Variants in COL4A5 observed in about 807,000 individuals in gnomAD.
The protein encoded by COL4A5 is collagen type IV alpha 5 chain, also known as collagen alpha-5(IV) chain.
In COL4A5, 26 loss-of-function variants were observed where a neutral mutation model predicts 130.2. That is an observed-to-expected ratio of 0.20 (90% CI 0.15 to 0.28). The LOEUF (loss-of-function observed/expected upper bound fraction) is 0.28, where lower values mean the gene tolerates loss of function less well. Ranked by LOEUF, COL4A5 falls within the 10% of genes least tolerant of loss-of-function variation. COL4A5 has a pLI of 1.00. For synonymous variants in COL4A5, 496 were observed against 439.6 expected (o/e 1.13, Z -1.60); for missense variants, 1,131 against 1,344.3 (o/e 0.84, Z 2.48).
At chrX:108,561,265 G>A (rs1002133235) in intron 3 of COL4A5, among the ~76,000 whole-genome samples, 1 of 111,471 alleles carries the variant, frequency 9.0e-6, no homozygotes, top group Non-Finnish European at 1.9e-5. Flanking sequence ...TAAGGTGGAA[G>A]TCACAAGGTT....
intron 1 of COL4A5, among the ~76,000 whole-genome samples, chrX:108,479,235 G>A (rs1369084568): frequency 8.9e-6 from 1 of 112,522 alleles, no homozygotes; most frequent in Non-Finnish European, 1.9e-5. Flanking sequence ...ACTCAGAGAG[G>A]TCCATCCACA....
At position 108,600,996 on chromosome X, in the gene COL4A5, C is replaced by T. The variant is rs762828881; in HGVS notation, c.1949-397C>T. Among the ~76,000 whole-genome samples, 8 of 111,443 alleles carry T rather than the reference C, an allele frequency of 7.2e-5. No homozygotes were observed. In the South Asian group the frequency reaches 2.7e-3, roughly 37 times the overall value. On this transcript the variant is annotated intron_variant, in intron 25 of 52. Coordinates refer to ENST00000328300, the MANE Select transcript of COL4A5 (RefSeq NM_033380.3). ...GGTCCCTCAGCTGATTGGATGGTACCCACACACATTGGGTGAGGGTGGATC... is the reference window on the plus strand; with the variant it reads ...GGTCCCTCAGCTGATTGGATGGTACTCACACACATTGGGTGAGGGTGGATC...
rs924229481 is a variant in COL4A5 at position 108,635,301 on chromosome X, G to A, written c.3246+8952G>A. Among the ~76,000 whole-genome samples, 3 of 110,941 alleles carry A rather than the reference G, an allele frequency of 2.7e-5. No individual in the cohort carries two copies. The Admixed American group carries it at 2.9e-4, about 11-fold the overall frequency. ...CATGCTTCATAAAAAAGAAAAAAAA[G>A]GAAAAGGAATGAAACACTTTGTAAA... On this transcript the variant is annotated intron_variant, in intron 36 of 52. Transcript: ENST00000328300.
chrX:108,649,150 A>AAAAAT (rs745647053), intron 36 of COL4A5, among the ~76,000 whole-genome samples: 113 of 111,307 alleles, frequency 1.0e-3, no homozygotes, highest in Non-Finnish European at 1.4e-3. Flanking sequence ...AATAGCTGCA[A>AAAAAT]AAAATAAAAT....
At chrX:108,571,242 A>G (rs1395403124) in intron 6 of COL4A5, among the ~76,000 whole-genome samples, 171 bp from the exon 7 acceptor site, 1 of 111,960 alleles carries the variant, frequency 8.9e-6, no homozygotes, top group Non-Finnish European at 1.9e-5. Flanking sequence ...TTGAATTGAT[A>G]TGGATAGTTG....
chrX:108,577,899 A>T, intron 10 of COL4A5, 53 bp from the exon 11 acceptor site: 3 of 1,000,578 alleles, frequency 3.0e-6, no homozygotes, highest in Non-Finnish European at 4.1e-6. Context: ...ATAACTTTTA[A>T]AATTAACTTA....
chrX:108,626,335 C>T lies in COL4A5; in HGVS notation c.3232C>T (p.Leu1078Phe), dbSNP rs763614519. ...PGISSIGLPG[L>F]PGPKGEPGLP... ...TATTTCAAGCATTGGTCTTCCAGGTCTTCCTGGTCCAAAGGTAATCTTTGG... is the reference window on the plus strand; with the variant it reads ...TATTTCAAGCATTGGTCTTCCAGGTTTTCCTGGTCCAAAGGTAATCTTTGG... Residue 1078 changes from leucine (L) to phenylalanine (F), a missense_variant, in exon 36 of 53, where the codon CTT becomes TTT. Physicochemically the swap from Leu to Phe is conservative, Grantham distance 22. Transcript: ENST00000328300. 12 of 1,209,075 alleles carry T rather than the reference C, an allele frequency of 9.9e-6. No homozygotes were observed. The East Asian group carries it at 3.3e-4, about 33-fold the overall frequency.
At chrX:108,655,548 A>G in intron 37 of COL4A5, 91 bp downstream of exon 37, 1 of 1,035,380 alleles carries the variant, frequency 9.7e-7, no homozygotes, top group Non-Finnish European at 1.3e-6. Context: ...GCAGACTTAT[A>G]TTTTATTTCC....
At chrX:108,443,541 C>G (rs1315839761) in intron 1 of COL4A5, among the ~76,000 whole-genome samples, 3 of 111,805 alleles carry the variant, frequency 2.7e-5, no homozygotes, top group Admixed American at 9.5e-5. Context: ...GCCTACCTAT[C>G]ATATCCAATT....
At chrX:108,470,928 T>C (rs991323656) in intron 1 of COL4A5, among the ~76,000 whole-genome samples, 2 of 111,700 alleles carry the variant, frequency 1.8e-5, no homozygotes, top group African/African-American at 6.5e-5. Context: ...TTGTTATTGC[T>C]GAGTTTGTCG....
chrX:108,444,076 T>C lies in COL4A5; in HGVS notation c.81+3870T>C, dbSNP rs572624488. Among the ~76,000 whole-genome samples the C allele has an allele frequency of 6.3e-5, 7 of 111,669 alleles. No homozygotes were observed. In the South Asian group the frequency reaches 2.6e-3, roughly 42 times the overall value. On this transcript the variant is annotated intron_variant, in intron 1 of 52. Transcript: ENST00000328300. The stretch of plus-strand genomic sequence containing the variant: ...TATAGGTTATAATGAATTATGCTCT[T>C]ACTACTTTTTGTTTTTGCTGAAACC...
intron 42 of COL4A5, among the ~76,000 whole-genome samples, chrX:108,671,491 T>C (rs934527562): frequency 5.3e-5 from 6 of 112,182 alleles, no homozygotes; most frequent in South Asian, 3.7e-4. Flanking sequence ...AAGTTTTACC[T>C]ATGTCGAGGA....
intron 36 of COL4A5, among the ~76,000 whole-genome samples, chrX:108,638,790 A>G (rs770741406): frequency 2.7e-5 from 3 of 112,117 alleles, no homozygotes; most frequent in South Asian, 7.4e-4. Context: ...AACAATGAAC[A>G]TTCCAAAAAG....
At chrX:108,681,417 G>A (rs2068426283) in intron 46 of COL4A5, among the ~76,000 whole-genome samples, 2 of 109,455 alleles carry the variant, frequency 1.8e-5, no homozygotes, top group Non-Finnish European at 3.8e-5. Context: ...AAATGATGTT[G>A]GAGTCAGAAT....
At chrX:108,633,319 T>C (rs193020720) in intron 36 of COL4A5, among the ~76,000 whole-genome samples, 2 of 111,391 alleles carry the variant, frequency 1.8e-5, no homozygotes, top group East Asian at 5.7e-4. Context: ...AATAGATTTA[T>C]ATATTTCTTA....
At chrX:108,536,229 T>C (rs1363617750) in intron 1 of COL4A5, among the ~76,000 whole-genome samples, 1 of 110,405 alleles carries the variant, frequency 9.1e-6, no homozygotes, top group Non-Finnish European at 1.9e-5. Flanking sequence ...TTTTCACATC[T>C]ATTTGACGTC....
At position 108,591,193 on chromosome X, in the gene COL4A5, C is replaced by T. The variant is rs200231152; in HGVS notation, c.1301C>T (p.Pro434Leu). 10 of 1,208,723 alleles carry T rather than the reference C, an allele frequency of 8.3e-6. No homozygotes were observed. The highest frequency in any genetic ancestry group is 1.1e-5 in the Non-Finnish European group (10 of 894,881). The change falls in exon 20 of 53, where the codon CCA becomes CTA. Residue 434 changes from proline (P) to leucine (L), a missense_variant. Transcript: ENST00000328300. ...GGACAGCCTGGGGCTCCTGGGCTTC[C>T]AGGGCCTCCTGGCCCTGCTGGCCCT... ...LDGQPGAPGL[P>L]GPPGPAGPHI... is the part of the protein sequence containing the mutation.
chrX:108,517,039 A>C (rs948084172), intron 1 of COL4A5, among the ~76,000 whole-genome samples: 28 of 111,929 alleles, frequency 2.5e-4, no homozygotes, highest in Non-Finnish European at 2.1e-4. Context: ...ATTATTTATA[A>C]ATTGCAAAGA....
intron 31 of COL4A5, 102 bp downstream of exon 31, chrX:108,620,528 C>A: frequency 1.5e-6 from 1 of 677,956 alleles, no homozygotes; most frequent in Non-Finnish European, 2.3e-6. Context: ...TTGACGTGAT[C>A]CCTTAAGGAT....
Sources: gnomAD v4.1 joint callset for allele counts (sites outside exome capture counted in the v4.1 genomes callset) on GRCh38, gnomAD v4.1.1 for gene constraint, MANE v1.5 for transcripts, NCBI Gene and HGNC (gene_info 2026-07-23, HGNC 2026-07-21) for gene names.